The following SPON1 variants were observed in gnomAD, a reference collection of about 807,000 sequenced individuals.
SPON1 encodes the protein spondin-1.
A neutral mutation model predicts 111.7 loss-of-function variants in SPON1; 52 were observed. The ratio of observed to expected loss-of-function variants is 0.47; its 90% confidence interval spans 0.37 to 0.59. The LOEUF (loss-of-function observed/expected upper bound fraction) is 0.59, where lower values mean the gene tolerates loss of function less well. SPON1 is among the 20% of genes least tolerant of loss of function. The pLI is 0.00. For synonymous variants in SPON1, 410 were observed against 395.8 expected, an observed-to-expected ratio of 1.04 and a Z score of -0.43; for missense variants, 957 against 1,068.5, an observed-to-expected ratio of 0.90 and a Z score of 1.46.
intron 6 of SPON1, among the ~76,000 whole-genome samples, chr11:14,229,965 T>TGA (rs1848780243): frequency 6.6e-6 from 1 of 151,514 alleles, no homozygotes; most frequent in Admixed American, 6.6e-5. Context: ...TGTGTGTGTG[T>TGA]GTGTGTGTGT....
At chr11:14,161,824 T>A (rs146512144) in intron 6 of SPON1, among the ~76,000 whole-genome samples, 1,841 of 152,182 alleles carry the variant, frequency 0.012, 34 homozygotes, top group African/African-American at 0.042. Flanking sequence ...AGTTGAACCA[T>A]CATAAGATGG....
chr11:14,050,824 A>C (rs1254976747), intron 3 of SPON1, among the ~76,000 whole-genome samples: 1 of 152,200 alleles, frequency 6.6e-6, no homozygotes, highest in Non-Finnish European at 1.5e-5. Context: ...ATTGGCCTCC[A>C]TCCTTCACTA....
Position 14,260,583 on chromosome 11 carries a change from T to C in SPON1, c.1832-5T>C, listed in dbSNP as rs782030531. The C allele has an allele frequency of 1.2e-6, 2 of 1,612,442 alleles. No homozygotes were observed. The highest frequency in any genetic ancestry group is 4.5e-5 in the East Asian group (2 of 44,816). ...TCTCAGTGGCAAACCTGGTTCTTGA[T>C]CTAGACACCATCCCATGCTTGCTGT... On this transcript the variant is annotated splice_region_variant and splice_polypyrimidine_tract_variant and intron_variant, in intron 13 of 15. Coordinates refer to ENST00000576479, the MANE Select transcript of SPON1 (RefSeq NM_006108.4).
intron 2 of SPON1, among the ~76,000 whole-genome samples, chr11:14,000,414 T>G (rs1459606930): frequency 1.3e-5 from 2 of 152,224 alleles, no homozygotes; most frequent in Non-Finnish European, 2.9e-5. Flanking sequence ...GTTATATGCT[T>G]GATTGCTTAT....
intron 5 of SPON1, among the ~76,000 whole-genome samples, chr11:14,089,444 G>T (rs372241688): frequency 6.6e-6 from 1 of 152,150 alleles, no homozygotes; most frequent in African/African-American, 2.4e-5. Context: ...CCCTGTTCTC[G>T]TGGGTATCAC....
chr11:14,173,668 T>A (rs187031663), intron 6 of SPON1, among the ~76,000 whole-genome samples: 1 of 152,316 alleles, frequency 6.6e-6, no homozygotes, highest in Admixed American at 6.5e-5. Context: ...CAGATGGGTT[T>A]TTGGTGCAGA....
At position 14,181,444 on chromosome 11, in the gene SPON1, A is replaced by G. The variant is rs571430527; in HGVS notation, c.825+45876A>G. On this transcript the variant is annotated intron_variant, in intron 6 of 15. Coordinates refer to ENST00000576479, the MANE Select transcript of SPON1 (RefSeq NM_006108.4). The stretch of plus-strand genomic sequence containing the variant: ...TCTCCAACTACCTTTCCAGCCAACC[A>G]CCTATGACTTTCTCTCCTACAAAAG... Among the ~76,000 whole-genome samples the G allele has an allele frequency of 5.9e-5, 9 of 152,214 alleles. No homozygotes were observed. The East Asian group carries it at 1.7e-3, about 29-fold the overall frequency.
intron 5 of SPON1, among the ~76,000 whole-genome samples, chr11:14,085,358 T>C (rs1564901540): frequency 6.6e-6 from 1 of 152,236 alleles, no homozygotes; most frequent in Non-Finnish European, 1.5e-5. Flanking sequence ...TTCTGTTTTA[T>C]GCATATGGCT....
chr11:14,174,050 A>G (rs1275987282), intron 6 of SPON1, among the ~76,000 whole-genome samples: 1 of 152,166 alleles, frequency 6.6e-6, no homozygotes, highest in African/African-American at 2.4e-5. Context: ...GGGCCAGGAA[A>G]GCATGCATTT....
At chr11:14,111,017 T>C (rs1472897459) in intron 5 of SPON1, among the ~76,000 whole-genome samples, 1 of 152,170 alleles carries the variant, frequency 6.6e-6, no homozygotes, top group Non-Finnish European at 1.5e-5. Flanking sequence ...GATAACAGAA[T>C]GGATAGATGA....
chr11:14,177,310 G>C (rs1253424322), intron 6 of SPON1, among the ~76,000 whole-genome samples: 1 of 151,972 alleles, frequency 6.6e-6, no homozygotes, highest in East Asian at 1.9e-4. Flanking sequence ...AAAGTGCTGG[G>C]ATTACGGTCA....
At chr11:13,963,577 C>G (rs1264739584) in intron 1 of SPON1, among the ~76,000 whole-genome samples, 2 of 152,132 alleles carry the variant, frequency 1.3e-5, no homozygotes, top group African/African-American at 4.8e-5. Context: ...CCGCTCAGTC[C>G]CTGAAGGAGA....
chr11:14,052,413 AC>A (rs1449739683), intron 3 of SPON1, among the ~76,000 whole-genome samples: 2 of 152,160 alleles, frequency 1.3e-5, no homozygotes, highest in Non-Finnish European at 2.9e-5. Context: ...GGCGAAGCTT[AC>A]CCCACAGTTT....
intron 3 of SPON1, among the ~76,000 whole-genome samples, chr11:14,045,627 T>TATA (rs59710561): frequency 0.037 from 5,485 of 147,922 alleles, 123 homozygotes; most frequent in Non-Finnish European, 0.058. Context: ...TTTTAATATA[T>TATA]ATATTATATT....
intron 2 of SPON1, among the ~76,000 whole-genome samples, chr11:13,984,822 G>T (rs1423215965): frequency 6.6e-6 from 1 of 152,140 alleles, no homozygotes; most frequent in Non-Finnish European, 1.5e-5. Context: ...AGTGGGCAGC[G>T]CATAAATATT....
chr11:14,250,213 T>C (rs1455733158), intron 7 of SPON1, among the ~76,000 whole-genome samples: 4 of 152,238 alleles, frequency 2.6e-5, no homozygotes, highest in African/African-American at 9.6e-5. Flanking sequence ...GCTGTTTTCA[T>C]TTTACAGAAG....
intron 3 of SPON1, among the ~76,000 whole-genome samples, chr11:14,075,022 C>A (rs1173355943): frequency 6.6e-6 from 1 of 152,006 alleles, no homozygotes; most frequent in Non-Finnish European, 1.5e-5. Flanking sequence ...TAAAATAAAC[C>A]ATTGAGAAAA....
chr11:14,164,176 A>G (rs1848000657), intron 6 of SPON1, among the ~76,000 whole-genome samples: 1 of 152,230 alleles, frequency 6.6e-6, no homozygotes, highest in Non-Finnish European at 1.5e-5. Flanking sequence ...GTTTATCCAC[A>G]TAGCCTATAT....
intron 5 of SPON1, among the ~76,000 whole-genome samples, chr11:14,084,019 G>A (rs1554922320): frequency 6.6e-6 from 1 of 152,090 alleles, no homozygotes; most frequent in Non-Finnish European, 1.5e-5. Context: ...TCAGTATATA[G>A]CAGAAGTGCT....
Sources: gnomAD v4.1 joint callset for allele counts (sites outside exome capture counted in the v4.1 genomes callset) on GRCh38, gnomAD v4.1.1 for gene constraint, MANE v1.5 for transcripts, NCBI Gene and HGNC (gene_info 2026-07-23, HGNC 2026-07-21) for gene names.